The following FAT2 variants were observed in gnomAD, a reference collection of about 807,000 sequenced individuals.
The protein encoded by FAT2 is protocadherin Fat 2.
FAT2 carries 150 observed loss-of-function variants against 295.3 expected under a neutral mutation model. That is an observed-to-expected ratio of 0.51 (90% confidence interval 0.44 to 0.58). FAT2 has a LOEUF of 0.58. Among genes scored for constraint, FAT2 ranks in the 20% least tolerant of loss-of-function variants. The pLI is 0.00. For synonymous variants in FAT2, 2,026 were observed against 2,150.3 expected (o/e 0.94, Z 1.60); for missense variants, 4,868 against 5,442.7 (o/e 0.89, Z 3.32).
intron 7 of FAT2, 82 bp downstream of exon 7, chr5:151,551,385 A>G: frequency 1.4e-6 from 2 of 1,469,468 alleles, no homozygotes; most frequent in Non-Finnish European, 1.8e-6. Flanking sequence ...CCACATCCAC[A>G]GAAAACCTCT....
chr5:151,525,075 C>T (rs1408669179), intron 18 of FAT2, among the ~76,000 whole-genome samples: 2 of 152,220 alleles, frequency 1.3e-5, no homozygotes, highest in Admixed American at 6.5e-5. Context: ...TGCAAATGGC[C>T]TCGCATGTAG....
upstream of FAT2, among the ~76,000 whole-genome samples, chr5:151,592,280 G>C (rs1225971104): frequency 2.0e-5 from 3 of 152,134 alleles, no homozygotes; most frequent in Non-Finnish European, 4.4e-5. Flanking sequence ...GAACACATTT[G>C]TTTGCTCGTT....
chr5:151,553,237 G>A lies in FAT2; in HGVS notation c.4096C>T (p.His1366Tyr), dbSNP rs776202546. The A allele has an allele frequency of 6.2e-7, 1 of 1,614,252 alleles. No homozygotes were observed. Among genetic ancestry groups the A allele is most frequent in the Non-Finnish European group, 8.5e-7 (1 of 1,180,048 alleles). ...FTVMETDPVN[H>Y]MVGVISVEGR... ...TCTACGCTGATGACCCCCACCATGTGGTTCACAGGGTCCGTCTCCATGACC... is the reference window on the plus strand; with the variant it reads ...TCTACGCTGATGACCCCCACCATGTAGTTCACAGGGTCCGTCTCCATGACC... The change falls in exon 6 of 24, where the codon CAC becomes TAC. Residue 1366 changes from histidine to tyrosine, a missense_variant. Physicochemically the swap from His to Tyr is moderately conservative, Grantham distance 83. Around this residue, in one of 5 missense-constraint regions of FAT2, gnomAD observed 3,297 missense variants for 3,669.4 expected, o/e 0.90. Coordinates refer to ENST00000261800, the MANE Select transcript of FAT2 (RefSeq NM_001447.3).
chr5:151,560,486 C>T (rs535124386), intron 3 of FAT2, among the ~76,000 whole-genome samples: 125 of 152,282 alleles, frequency 8.2e-4, no homozygotes, highest in African/African-American at 2.6e-3. Flanking sequence ...TCGTCACCCT[C>T]GCCCATTTGC....
rs764937015 is a variant in FAT2 at position 151,537,962 on chromosome 5, CAAA to C, written c.9040-19_9040-17del. On this transcript the variant is annotated splice_polypyrimidine_tract_variant and intron_variant, in intron 11 of 23. Transcript: ENST00000261800. ...TATAGAGAAGCTAGAGATGGAAAGA[CAAA>C]GAAGAGGGAGACTGTGGGGACTGCA... is the stretch of plus-strand genomic sequence containing the variant. 10 of 1,611,890 alleles carry C rather than the reference CAAA, an allele frequency of 6.2e-6. No homozygotes were observed. In the South Asian group the frequency reaches 9.9e-5, roughly 16 times the overall value.
Position 151,567,679 on chromosome 5 carries a change from G to A in FAT2, c.1253C>T (p.Thr418Ile), listed in dbSNP as rs758801910. The A allele has an allele frequency of 1.8e-5, 29 of 1,614,052 alleles. 1 individual carries two copies. The South Asian group carries it at 3.2e-4, about 18-fold the overall frequency. ...LNARTGLITT[T>I]KLMDFHDRAH... ...TCTGTCGTGGAAGTCCATGAGCTTT[G>A]TGGTGGTGATCAACCCAGTTCGAGC... Residue 418 changes from threonine (T) to isoleucine (I), a missense_variant, in exon 2 of 24, where the codon ACA becomes ATA. Coordinates refer to ENST00000261800, the MANE Select transcript of FAT2 (RefSeq NM_001447.3).
chr5:151,565,608 A>G, intron 2 of FAT2, 65 bp downstream of exon 2: 1 of 1,475,176 alleles, frequency 6.8e-7, no homozygotes, highest in Non-Finnish European at 9.0e-7. Context: ...CCGCAGGCTG[A>G]CTTCTTTTTC....
intron 18 of FAT2, 71 bp from the exon 19 acceptor site, chr5:151,522,157 C>G: frequency 7.9e-7 from 1 of 1,264,368 alleles, no homozygotes; most frequent in Non-Finnish European, 1.1e-6. Context: ...GAGGCTGGGC[C>G]TCCTTGTGGA....
chr5:151,550,513 CAGCATGTCTCCA>C, intron 8 of FAT2, 65 bp downstream of exon 8: 1 of 1,506,306 alleles, frequency 6.6e-7, no homozygotes. Context: ...GGGGGACCTT[CAGCATGTCTCCA>C]AGCATGTCCA....
chr5:151,538,525 AG>A lies in FAT2; in HGVS notation c.9040-580del, dbSNP rs561151444. Among the ~76,000 whole-genome samples the A allele has an allele frequency of 1.1e-3, 160 of 152,236 alleles. 1 individual carries two copies. In the South Asian group the frequency reaches 0.017, roughly 16 times the overall value. ...CAGGTACCGTCATGGCATCTGAGGG[AG>A]TGGCAGAGGGGAAAGGCTGGAGCTC... On this transcript the variant is annotated intron_variant, in intron 11 of 23. Transcript: ENST00000261800.
rs569068608 is a variant in FAT2 at position 151,590,525 on chromosome 5, A to G, written c.-21+640T>C. ...GGGCTGTTCCCACCCCAACAACTCCAGTGCTGTCTTGGTGCCACTCAGACT... is the reference window on the plus strand; with the variant it reads ...GGGCTGTTCCCACCCCAACAACTCCGGTGCTGTCTTGGTGCCACTCAGACT... On this transcript the variant is annotated intron_variant, in intron 1 of 23. Coordinates refer to ENST00000261800, the MANE Select transcript of FAT2 (RefSeq NM_001447.3). Among the ~76,000 whole-genome samples the G allele has an allele frequency of 3.3e-5, 5 of 152,214 alleles. No homozygotes were observed. The South Asian group carries it at 8.3e-4, about 25-fold the overall frequency.
At chr5:151,556,906 C>T (rs1757748736) in intron 3 of FAT2, among the ~76,000 whole-genome samples, 1 of 152,068 alleles carries the variant, frequency 6.6e-6, no homozygotes, top group African/African-American at 2.4e-5. Context: ...TGAGGAGCAT[C>T]AGAACACTAA....
Position 151,531,987 on chromosome 5 carries a change from G to C in FAT2, c.9428-17C>G, listed in dbSNP as rs2127592061. 1 of 1,613,118 alleles carries C rather than the reference G, an allele frequency of 6.2e-7. No homozygotes were observed. On this transcript the variant is annotated splice_polypyrimidine_tract_variant and intron_variant, in intron 13 of 23. Coordinates refer to ENST00000261800, the MANE Select transcript of FAT2 (RefSeq NM_001447.3). This position sits in a 1 kb window ranked among gnomAD's most constrained non-coding sequence, Gnocchi z 5.7. The stretch of plus-strand genomic sequence containing the variant: ...CATTGGCGCCTGGCAGGGAGACCAA[G>C]GGTGTGATCCACACTGAGGGCGCCT...
In FAT2 at chr5:151,521,834, T is replaced by C. The variant is rs1209148989; in HGVS notation, c.10759A>G (p.Ile3587Val). The change falls in exon 19 of 24, where the codon ATT becomes GTT. Residue 3587 changes from isoleucine to valine, a missense_variant. Coordinates refer to ENST00000261800, the MANE Select transcript of FAT2 (RefSeq NM_001447.3). ...HFSVGAPDGKIIAAQGLPRGH... is the reference protein window; with the variant it reads ...HFSVGAPDGKVIAAQGLPRGH... ...CGAGGCAGGCCCTGGGCGGCGATAA[T>C]CTTGCCATCAGGCGCACCCACTGAG... 4 of 1,614,050 alleles carry C rather than the reference T, an allele frequency of 2.5e-6. No homozygotes were observed. Among genetic ancestry groups the C allele is most frequent in the Non-Finnish European group, 3.4e-6 (4 of 1,180,036 alleles).
rs1225312902 is a variant in FAT2 at position 151,543,955 on chromosome 5, A to G, written c.7172T>C (p.Leu2391Pro). Residue 2391 changes from leucine (L) to proline (P), a missense_variant, in exon 10 of 24, where the codon CTG becomes CCG. Leu to Pro is a moderately conservative substitution (Grantham distance 98, BLOSUM62 -3). Transcript: ENST00000261800. ...QPQYEANVSE[L>P]ATCGHLVLKV... is the part of the protein sequence containing the mutation. ...AAGAACCAGGTGTCCACAGGTTGCCAGTTCACTGACATTGGCTTCATATTG... is the reference window on the plus strand; with the variant it reads ...AAGAACCAGGTGTCCACAGGTTGCCGGTTCACTGACATTGGCTTCATATTG... 5 of 1,614,158 alleles carry G rather than the reference A, an allele frequency of 3.1e-6. No individual in the cohort carries two copies. The highest frequency in any genetic ancestry group is 4.2e-6 in the Non-Finnish European group (5 of 1,180,036).
rs781187205 is a variant in FAT2 at position 151,545,147 on chromosome 5, C to T, written c.5980G>A (p.Gly1994Ser). 1.9e-6 allele frequency: 3 copies of T among 1,614,112 alleles called. No individual in the cohort carries two copies. Among genetic ancestry groups the T allele is most frequent in the Non-Finnish European group, 2.5e-6 (3 of 1,180,008 alleles). ...GAAAGGGTGTCATTCAAATGATTGCCCTGGGCACCAAGAATCACCAGTGCC... is the reference window on the plus strand; with the variant it reads ...GAAAGGGTGTCATTCAAATGATTGCTCTGGGCACCAAGAATCACCAGTGCC... ...RKALVILGAQ[G>S]NHLNDTLSYF... Residue 1994 changes from glycine to serine, a missense_variant, in exon 10 of 24, where the codon GGC (glycine) becomes AGC (serine). By Grantham distance (56) the Gly-to-Ser change is moderately conservative (BLOSUM62 0). This residue lies in a region of FAT2 where 3,297 missense variants were observed against 3,669.4 expected (regional missense o/e 0.90). Transcript: ENST00000261800.
Position 151,568,906 on chromosome 5 carries a change from G to A in FAT2, c.26C>T (p.Ala9Val), listed in dbSNP as rs772010774. Residue 9 changes from alanine to valine, a missense_variant, in exon 2 of 24, where the codon GCC (alanine) becomes GTC (valine). Transcript: ENST00000261800. Reference protein sequence around the residue: MTIALLGFAIFLLHCATCE... With the variant: MTIALLGFVIFLLHCATCE... ...GGTCGCACAATGGAGCAAGAATATG[G>A]CAAAACCCAGCAGGGCAATAGTCAT... 5 of 1,611,128 alleles carry A rather than the reference G, an allele frequency of 3.1e-6. No homozygotes were observed. Among genetic ancestry groups the A allele is most frequent in the Non-Finnish European group, 4.2e-6 (5 of 1,178,650 alleles).
At chr5:151,555,281 A>G (rs1757581143) in intron 4 of FAT2, among the ~76,000 whole-genome samples, 2 of 152,148 alleles carry the variant, frequency 1.3e-5, no homozygotes, top group African/African-American at 4.8e-5. Context: ...TTAAAGGTAA[A>G]TATCTGTTAC....
chr5:151,545,811 T>A lies in FAT2; in HGVS notation c.5316A>T (p.Pro1772=), dbSNP rs1310118533. 5 of 1,614,094 alleles carry A rather than the reference T, an allele frequency of 3.1e-6. No individual in the cohort carries two copies. The South Asian group carries it at 5.5e-5, about 18-fold the overall frequency. ...TFVGQISEAA[P]LYSMIMDKNN... is the part of the protein sequence containing the mutation. ...TTTTATCCATGATCATGCTATACAG[T>A]GGAGCTGCTTCACTAATTTGGCCCA... is the stretch of plus-strand genomic sequence containing the variant. Residue 1772 remains proline, a synonymous_variant, in exon 10 of 24, where the codon CCA becomes CCT. Coordinates refer to ENST00000261800, the MANE Select transcript of FAT2 (RefSeq NM_001447.3).
Sources: allele counts gnomAD v4.1 joint callset (sites outside exome capture counted in the v4.1 genomes callset), GRCh38; gene constraint gnomAD v4.1.1; regional missense constraint gnomAD v4.1.1; non-coding constraint Gnocchi (gnomAD v3.1); transcripts MANE v1.5; gene names NCBI Gene and HGNC (gene_info 2026-07-23, HGNC 2026-07-21).